Variants in OPRD1 observed in about 807,000 individuals in gnomAD.
OPRD1 encodes opioid receptor delta 1, also known as delta-type opioid receptor.
OPRD1 carries 19 observed loss-of-function variants against 17.5 expected under a neutral mutation model. The observed-to-expected ratio is 1.09, with a 90% confidence interval of 0.76 to 1.60. The LOEUF (loss-of-function observed/expected upper bound fraction) is 1.60, where lower values mean the gene tolerates loss of function less well. OPRD1 is among the 40% of genes most tolerant of loss of function. The probability of loss-of-function intolerance (pLI) is 0.00; values close to 1 mark genes in which losing one functional copy is unlikely to be tolerated. For missense variants in OPRD1, 483 were observed against 547.2 expected, an observed-to-expected ratio of 0.88 and a Z score of 1.17; for synonymous variants, 256 against 240.9, an observed-to-expected ratio of 1.06 and a Z score of -0.58.
chr1:28,852,164 T>TTAA (rs1295582480), intron 1 of OPRD1, among the ~76,000 whole-genome samples: 3 of 86,754 alleles, frequency 3.5e-5, no homozygotes, highest in African/African-American at 1.4e-4. Context: ...AAACTCCATG[T>TTAA]AAAAAAAAAA....
intron 1 of OPRD1, among the ~76,000 whole-genome samples, chr1:28,833,253 T>C (rs928596896): frequency 6.6e-6 from 1 of 152,186 alleles, no homozygotes; most frequent in African/African-American, 2.4e-5. Context: ...AAGCCCCCCA[T>C]GTGATGGTGG....
At chr1:28,846,849 T>C (rs1464989315) in intron 1 of OPRD1, among the ~76,000 whole-genome samples, 137 of 33,686 alleles carry the variant, frequency 4.1e-3, no homozygotes, top group African/African-American at 0.014. Flanking sequence ...TTCTTTCTTT[T>C]CTTTCTTTCT....
chr1:28,863,598 T>TC lies in OPRD1; in HGVS notation c.*317dup. On this transcript the variant is annotated 3_prime_UTR_variant, in exon 3 of 3. Transcript: ENST00000234961. ...CGGGACCTGTGGCTCTACAACTGAGTCCTTAAACAGGGCATCTCCAGGAAG... is the reference window on the plus strand; with the variant it reads ...CGGGACCTGTGGCTCTACAACTGAGTCCCTTAAACAGGGCATCTCCAGGAAG... 1 of 327,578 alleles carries TC rather than the reference T, an allele frequency of 3.1e-6. No individual in the cohort carries two copies. Among genetic ancestry groups the TC allele is most frequent in the Non-Finnish European group, 5.5e-6 (1 of 181,188 alleles). 20.3% of individuals were successfully genotyped at this position (327,578 alleles called of 1,614,324 possible).
rs775151883 is a variant in OPRD1, at chr1:28,858,972, G to A, written c.246G>A (p.Thr82=). The A allele has an allele frequency of 1.5e-4, 246 of 1,611,188 alleles. No individual in the cohort carries two copies. Among genetic ancestry groups the A allele is most frequent in the Non-Finnish European group, 2.0e-4 (232 of 1,179,556 alleles). Residue 82 remains threonine, a synonymous_variant, in exon 2 of 3, where the codon ACG becomes ACA. Transcript: ENST00000234961. ...TTCTAAGGTACACTAAGATGAAGAC[G>A]GCCACCAACATCTACATCTTCAACC... The part of the protein sequence containing the change: ...FGIVRYTKMK[T]ATNIYIFNLA...
chr1:28,826,715 G>A (rs1031664646), intron 1 of OPRD1, among the ~76,000 whole-genome samples: 2 of 152,152 alleles, frequency 1.3e-5, no homozygotes, highest in African/African-American at 4.8e-5. Context: ...GCTGCTGGTT[G>A]GGGGTAGTGG....
intron 1 of OPRD1, among the ~76,000 whole-genome samples, chr1:28,854,323 A>G (rs1305074521): frequency 1.3e-5 from 2 of 151,678 alleles, no homozygotes; most frequent in Admixed American, 6.6e-5. Context: ...AACTCCCAGG[A>G]TCAAGTGTTC....
At chr1:28,829,072 G>A (rs1213026440) in intron 1 of OPRD1, among the ~76,000 whole-genome samples, 1 of 151,756 alleles carries the variant, frequency 6.6e-6, no homozygotes, top group African/African-American at 2.4e-5. Context: ...CTCTAGGAAT[G>A]AGAGTCCTAG....
chr1:28,817,801 T>C (rs1259168717), intron 1 of OPRD1, among the ~76,000 whole-genome samples: 4 of 151,702 alleles, frequency 2.6e-5, no homozygotes, highest in African/African-American at 9.7e-5. Context: ...GCCTCCCTGG[T>C]TCAAGGGATT....
chr1:28,830,563 C>T (rs1372488056), intron 1 of OPRD1, among the ~76,000 whole-genome samples: 3 of 151,980 alleles, frequency 2.0e-5, no homozygotes, highest in African/African-American at 7.3e-5. Flanking sequence ...ACACTAATCA[C>T]AGATAACCAT....
chr1:28,860,140 G>A lies in OPRD1; in HGVS notation c.577+837G>A, dbSNP rs569463547. Among the ~76,000 whole-genome samples the A allele has an allele frequency of 1.8e-4, 27 of 152,340 alleles. No individual in the cohort carries two copies. The South Asian group carries it at 5.6e-3, about 32-fold the overall frequency. On this transcript the variant is annotated intron_variant, in intron 2 of 2. Coordinates refer to ENST00000234961, the MANE Select transcript of OPRD1 (RefSeq NM_000911.4). ...AGCATTTTGGGAGGCCAAGGCGGGT[G>A]AATCACTTGAGGTCAGGAGTTCCAG...
intron 1 of OPRD1, among the ~76,000 whole-genome samples, chr1:28,852,051 C>T (rs1277883442): frequency 6.6e-6 from 1 of 150,750 alleles, no homozygotes; most frequent in African/African-American, 2.4e-5. Flanking sequence ...CCTGTAGTCC[C>T]AGCTACTTGG....
chr1:28,818,722 T>C (rs1257065849), intron 1 of OPRD1, among the ~76,000 whole-genome samples: 2 of 152,138 alleles, frequency 1.3e-5, no homozygotes, highest in African/African-American at 4.8e-5. Flanking sequence ...CCACCCATGA[T>C]TCCTGAGGAG....
At chr1:28,843,828 A>C (rs1179552238) in intron 1 of OPRD1, among the ~76,000 whole-genome samples, 2 of 152,042 alleles carry the variant, frequency 1.3e-5, no homozygotes, top group Non-Finnish European at 2.9e-5. Context: ...CCAGGCTAGA[A>C]ATTTCCTTCT....
At chr1:28,821,972 A>G (rs1040441734) in intron 1 of OPRD1, among the ~76,000 whole-genome samples, 4 of 147,470 alleles carry the variant, frequency 2.7e-5, no homozygotes, top group African/African-American at 7.6e-5. Context: ...TTTTTTTGAG[A>G]TGGAGTTTTG....
intron 1 of OPRD1, among the ~76,000 whole-genome samples, chr1:28,850,639 G>A (rs2088993434): frequency 6.6e-6 from 1 of 151,720 alleles, no homozygotes; most frequent in Admixed American, 6.6e-5. Flanking sequence ...ATTTTAATTA[G>A]CTAGGCATGA....
intron 1 of OPRD1, among the ~76,000 whole-genome samples, chr1:28,843,465 A>G (rs971569039): frequency 2.0e-5 from 3 of 152,070 alleles, no homozygotes; most frequent in Admixed American, 1.3e-4. Context: ...AGCCCCTCGT[A>G]ACCCCAGGGC....
intron 1 of OPRD1, among the ~76,000 whole-genome samples, chr1:28,858,208 G>A (rs1277230792): frequency 6.6e-6 from 1 of 150,514 alleles, no homozygotes; most frequent in African/African-American, 2.5e-5. Context: ...CCGCCTCCCG[G>A]GTTCACGCCA....
chr1:28,863,412 G>A lies in OPRD1; in HGVS notation c.*129G>A. 1.8e-6 allele frequency: 2 copies of A among 1,115,814 alleles called. No homozygotes were observed. The highest frequency in any genetic ancestry group is 2.4e-6 in the Non-Finnish European group (2 of 836,940). The allele number at this position is 1,115,814 out of a possible 1,614,324, so 69.1% of individuals were successfully genotyped here. ...CGGAGGCTTGGGACCGCCAGATGGG[G>A]CCTCTGTTTCGGAGACGGGACCGGG... On this transcript the variant is annotated 3_prime_UTR_variant, in exon 3 of 3. Coordinates refer to ENST00000234961, the MANE Select transcript of OPRD1 (RefSeq NM_000911.4).
intron 1 of OPRD1, among the ~76,000 whole-genome samples, chr1:28,830,232 G>T (rs2088799204): frequency 6.6e-6 from 1 of 151,940 alleles, no homozygotes; most frequent in Admixed American, 6.6e-5. Flanking sequence ...TAGCATCCAA[G>T]ATCACTGATG....
Sources: allele counts gnomAD v4.1 joint callset (sites outside exome capture counted in the v4.1 genomes callset), GRCh38; gene constraint gnomAD v4.1.1; transcripts MANE v1.5; gene names NCBI Gene and HGNC (gene_info 2026-07-23, HGNC 2026-07-21).